The following LRP2 variants were observed in gnomAD, a reference collection of about 807,000 sequenced individuals.
LRP2 encodes the protein low-density lipoprotein receptor-related protein 2.
Under a neutral mutation model 531.0 loss-of-function variants are expected in LRP2, and 172 were observed. The observed-to-expected ratio is 0.32, with a 90% CI of 0.29 to 0.37. The LOEUF is 0.37. Ranked by LOEUF, LRP2 falls within the 10% of genes least tolerant of loss-of-function variation. LRP2 has a pLI of 1.00. For synonymous variants in LRP2, 1,992 were observed against 2,027.6 expected, an observed-to-expected ratio of 0.98 and a Z score of 0.47; for missense variants, 5,167 against 5,868.3, an observed-to-expected ratio of 0.88 and a Z score of 3.90.
At chr2:169,209,353 A>G (rs1688510517) in intron 38 of LRP2, 100 bp downstream of exon 38, 5 of 1,207,448 alleles carry the variant, frequency 4.1e-6, no homozygotes, top group Non-Finnish European at 6.2e-6. Context: ...AATTGTCTAG[A>G]AAAACAAACC....
intron 74 of LRP2, 65 bp downstream of exon 74, chr2:169,139,186 C>T (rs1482363420): frequency 1.9e-6 from 3 of 1,608,802 alleles, no homozygotes; most frequent in African/African-American, 2.7e-5. Flanking sequence ...AAACTAAGTC[C>T]TTCACATGGC....
At chr2:169,266,349 C>T (rs1300781877) in intron 16 of LRP2, among the ~76,000 whole-genome samples, 1 of 151,928 alleles carries the variant, frequency 6.6e-6, no homozygotes, top group Non-Finnish European at 1.5e-5. Flanking sequence ...AAGAGCTGTT[C>T]CCTCCCCAGA....
chr2:169,351,676 G>A (rs1242805054), intron 1 of LRP2, among the ~76,000 whole-genome samples: 1 of 152,186 alleles, frequency 6.6e-6, no homozygotes, highest in Non-Finnish European at 1.5e-5. Flanking sequence ...GGAAGCAAGA[G>A]AGGCAATAGA....
chr2:169,311,109 T>A (rs1684585101), intron 3 of LRP2, among the ~76,000 whole-genome samples: 1 of 152,184 alleles, frequency 6.6e-6, no homozygotes, highest in African/African-American at 2.4e-5. Flanking sequence ...TTATTAGTCT[T>A]CCTAGTGGTC....
rs548636488 is a variant in LRP2 at position 169,217,658 on chromosome 2, T to C, written c.5649-1228A>G. On this transcript the variant is annotated intron_variant, in intron 34 of 78. Coordinates refer to ENST00000649046, the MANE Select transcript of LRP2 (RefSeq NM_004525.3). ...CATAGCACAAAACTTTCGTGAATTC[T>C]GAATTCACTAAAAATCTAAGTTCCC... Among the ~76,000 whole-genome samples, 4 of 152,286 alleles carry C rather than the reference T, an allele frequency of 2.6e-5. 1 individual carries two copies. The highest frequency in any genetic ancestry group is 9.6e-5 in the African/African-American group (4 of 41,570).
chr2:169,186,598 C>A (rs915483281), intron 49 of LRP2, among the ~76,000 whole-genome samples: 1 of 152,216 alleles, frequency 6.6e-6, no homozygotes, highest in Non-Finnish European at 1.5e-5. Flanking sequence ...AAACTTCATG[C>A]ATTGCAAAAT....
chr2:169,159,168 G>T (rs1686478566), intron 63 of LRP2, among the ~76,000 whole-genome samples: 1 of 152,154 alleles, frequency 6.6e-6, no homozygotes, highest in Non-Finnish European at 1.5e-5. Context: ...CTCCATTAAG[G>T]ATTTAAGCTT....
chr2:169,238,494 C>T (rs1689689236), intron 26 of LRP2, among the ~76,000 whole-genome samples, 192 bp from the exon 27 acceptor site: 1 of 145,594 alleles, frequency 6.9e-6, no homozygotes, highest in Admixed American at 6.6e-5. Flanking sequence ...TAATAGTTAG[C>T]TGGTTTTCAT....
intron 4 of LRP2, among the ~76,000 whole-genome samples, chr2:169,299,483 G>A (rs1024134618): frequency 2.7e-5 from 4 of 150,040 alleles, no homozygotes; most frequent in African/African-American, 9.8e-5. Context: ...TCCCATAACA[G>A]AGCTATCACC....
chr2:169,261,101 TG>T (rs1231734863), intron 16 of LRP2, among the ~76,000 whole-genome samples: 2 of 152,044 alleles, frequency 1.3e-5, no homozygotes, highest in East Asian at 3.9e-4. Flanking sequence ...GATAGGAAAG[TG>T]CAAAACAACC....
intron 1 of LRP2, among the ~76,000 whole-genome samples, chr2:169,322,047 C>T (rs937576133): frequency 2.6e-5 from 4 of 152,156 alleles, no homozygotes; most frequent in Non-Finnish European, 5.9e-5. Context: ...CTTTCACAAA[C>T]CCAAGGGATA....
At chr2:169,289,183 C>T in intron 8 of LRP2, 38 bp from the exon 9 acceptor site, 1 of 1,612,836 alleles carries the variant, frequency 6.2e-7, no homozygotes, top group Non-Finnish European at 8.5e-7. Context: ...TGAATGGTGA[C>T]CTCTGGACAA....
At chr2:169,301,228 GA>G (rs1032686609) in intron 4 of LRP2, among the ~76,000 whole-genome samples, 5 of 151,816 alleles carry the variant, frequency 3.3e-5, no homozygotes, top group African/African-American at 1.2e-4. Context: ...TCACTTAACA[GA>G]AAAAAACTGT....
chr2:169,176,834 G>A (rs1024007551), intron 53 of LRP2, among the ~76,000 whole-genome samples: 4 of 152,174 alleles, frequency 2.6e-5, no homozygotes, highest in African/African-American at 4.8e-5. Flanking sequence ...TGGTGTTTCT[G>A]ACTAGAAAAG....
intron 18 of LRP2, 129 bp downstream of exon 18, chr2:169,256,995 T>A (rs1690328893): frequency 4.9e-6 from 5 of 1,017,654 alleles, no homozygotes; most frequent in Middle Eastern, 2.7e-4. Flanking sequence ...CCATCACCAA[T>A]TAATTATTTA....
At chr2:169,361,617 A>T (rs1686167335) in intron 1 of LRP2, among the ~76,000 whole-genome samples, 1 of 152,108 alleles carries the variant, frequency 6.6e-6, no homozygotes, top group African/African-American at 2.4e-5. Flanking sequence ...ACTTCATACT[A>T]GAAACTTTCT....
chr2:169,229,253 T>C (rs1301993184), intron 31 of LRP2, among the ~76,000 whole-genome samples: 1 of 152,184 alleles, frequency 6.6e-6, no homozygotes, highest in East Asian at 1.9e-4. Flanking sequence ...AAAGATCATC[T>C]CTTCATTTCT....
chr2:169,178,350 T>C (rs13421129), intron 52 of LRP2, among the ~76,000 whole-genome samples: 2,502 of 152,314 alleles, frequency 0.016, 63 homozygotes, highest in African/African-American at 0.056. Context: ...TGGCCTCTTA[T>C]AGTGATGTTC....
chr2:169,355,347 A>G (rs1421617783), intron 1 of LRP2, among the ~76,000 whole-genome samples: 2 of 152,206 alleles, frequency 1.3e-5, no homozygotes, highest in African/African-American at 4.8e-5. Flanking sequence ...CAAAATGAAA[A>G]TAACATCGTC....
Sources: gnomAD v4.1 joint callset for allele counts (sites outside exome capture counted in the v4.1 genomes callset) on GRCh38, gnomAD v4.1.1 for gene constraint, MANE v1.5 for transcripts, NCBI Gene and HGNC (gene_info 2026-07-23, HGNC 2026-07-21) for gene names.